Variants in A1CF observed in about 807,000 individuals in gnomAD.
A1CF encodes APOBEC1 complementation factor, also known as APOBEC-1 stimulating protein.
Under a neutral mutation model 68.9 loss-of-function variants are expected in A1CF, and 48 were observed. That is an observed-to-expected ratio of 0.70 (90% confidence interval 0.55 to 0.89). A1CF has a LOEUF of 0.89. Among genes scored for constraint, A1CF ranks in the 40% least tolerant of loss-of-function variants. The probability of loss-of-function intolerance (pLI) is 0.00; values close to 1 mark genes in which losing one functional copy is unlikely to be tolerated. For synonymous variants in A1CF, 272 were observed against 260.4 expected, an observed-to-expected ratio of 1.04 and a Z score of -0.43; for missense variants, 653 against 718.9, an observed-to-expected ratio of 0.91 and a Z score of 1.05.
chr10:50,859,606 G>A (rs763753457), intron 3 of A1CF, among the ~76,000 whole-genome samples: 11 of 152,212 alleles, frequency 7.2e-5, no homozygotes, highest in Non-Finnish European at 1.6e-4. Context: ...CTCTATAACT[G>A]TGGACACTGA....
At chr10:50,852,135 A>G (rs938417208) in intron 3 of A1CF, among the ~76,000 whole-genome samples, 1 of 152,246 alleles carries the variant, frequency 6.6e-6, no homozygotes, top group African/African-American at 2.4e-5. Flanking sequence ...CCAATTTTTA[A>G]GCTGATAAAA....
chr10:50,851,220 C>A (rs1840226516), intron 3 of A1CF, among the ~76,000 whole-genome samples: 1 of 152,118 alleles, frequency 6.6e-6, no homozygotes, highest in African/African-American at 2.4e-5. Flanking sequence ...ATTATTTCAT[C>A]TATGAAGGAG....
intron 7 of A1CF, chr10:50,822,864 A>G (rs1460134334): frequency 2.0e-5 from 3 of 152,050 alleles, no homozygotes; most frequent in Non-Finnish European, 4.4e-5. Context: ...TCATATTTCA[A>G]TGTCATTCTC....
At chr10:50,815,933 T>C in intron 9 of A1CF, 73 bp downstream of exon 9, 2 of 1,518,446 alleles carry the variant, frequency 1.3e-6, no homozygotes, top group East Asian at 2.3e-5. Context: ...CCATCCAATG[T>C]ATCTAAGGCT....
chr10:50,860,263 G>C (rs1840682616), intron 2 of A1CF, among the ~76,000 whole-genome samples: 1 of 152,050 alleles, frequency 6.6e-6, no homozygotes, highest in African/African-American at 2.4e-5. Context: ...CTTATCTCAG[G>C]ATGTCACCAA....
At chr10:50,819,389 C>G (rs1307521217) in intron 8 of A1CF, among the ~76,000 whole-genome samples, 1 of 152,270 alleles carries the variant, frequency 6.6e-6, no homozygotes, top group East Asian at 1.9e-4. Context: ...TCCCAAAGTG[C>G]TGAGATTACA....
intron 4 of A1CF, among the ~76,000 whole-genome samples, chr10:50,842,475 G>C (rs945004947): frequency 6.6e-6 from 1 of 152,192 alleles, no homozygotes. Context: ...GCTGAGCGTG[G>C]TGGCACGTGC....
intron 7 of A1CF, among the ~76,000 whole-genome samples, chr10:50,822,539 A>T (rs1435807967): frequency 6.6e-6 from 1 of 152,234 alleles, no homozygotes; most frequent in Non-Finnish European, 1.5e-5. Flanking sequence ...TTGGAATGAT[A>T]GTCGGCCTGT....
At chr10:50,828,488 G>A in intron 6 of A1CF, 193 bp from the exon 7 acceptor site, 1 of 417,696 alleles carries the variant, frequency 2.4e-6, no homozygotes, top group South Asian at 8.2e-5. Flanking sequence ...AGTTCTGTGT[G>A]ACCGGTGGCT....
At position 50,809,994 on chromosome 10, in the gene A1CF, C is replaced by T; in HGVS notation, c.1509G>A (p.Lys503=). ...GCAGGGTGTATTCGGCTGCATACGT[C>T]TTTGCTTCATCCACAAAGGCACTCA... ...PKLSAFVDEA[K]TYAAEYTLQT... is the part of the protein sequence containing the mutation. The change falls in exon 12 of 13, where the codon AAG becomes AAA. Residue 503 remains lysine (K), a synonymous_variant. Transcript: ENST00000373997. The T allele has an allele frequency of 1.2e-6, 2 of 1,614,006 alleles. No individual in the cohort carries two copies. Among genetic ancestry groups the T allele is most frequent in the South Asian group, 1.1e-5 (1 of 91,076 alleles).
At chr10:50,836,600 T>C (rs752369483) in intron 5 of A1CF, among the ~76,000 whole-genome samples, 15 of 151,934 alleles carry the variant, frequency 9.9e-5, no homozygotes, top group Non-Finnish European at 2.2e-4. Flanking sequence ...GCAGGTTTGT[T>C]ACATATGTAT....
intron 7 of A1CF, 130 bp from the exon 8 acceptor site, chr10:50,820,779 A>C: frequency 8.4e-5 from 49 of 586,466 alleles, no homozygotes; most frequent in Non-Finnish European, 9.9e-5. Flanking sequence ...TAAGGATCTC[A>C]TCAAGAACAT....
chr10:50,815,778 T>C (rs1034108926), intron 9 of A1CF, among the ~76,000 whole-genome samples: 2 of 152,344 alleles, frequency 1.3e-5, no homozygotes, highest in Admixed American at 1.3e-4. Context: ...TTTGAATCTG[T>C]GCACTAGGCT....
chr10:50,828,748 G>A (rs186456800), intron 6 of A1CF, among the ~76,000 whole-genome samples: 11 of 152,246 alleles, frequency 7.2e-5, no homozygotes, highest in African/African-American at 2.4e-4. Context: ...TTGTTAATTA[G>A]GCTAGGTACC....
At chr10:50,879,795 A>AGATTTGGGTGGGG (rs1420484651) in intron 1 of A1CF, among the ~76,000 whole-genome samples, 2 of 152,152 alleles carry the variant, frequency 1.3e-5, no homozygotes, top group Non-Finnish European at 2.9e-5. Context: ...CAAAAAGCTA[A>AGATTTGGGTGGGG]ACCATATCCA....
chr10:50,882,622 A>G (rs1363691703), intron 1 of A1CF, among the ~76,000 whole-genome samples: 4 of 152,122 alleles, frequency 2.6e-5, no homozygotes, highest in Non-Finnish European at 5.9e-5. Flanking sequence ...TGTCACCGCA[A>G]GAGTGCTGCT....
intron 2 of A1CF, among the ~76,000 whole-genome samples, chr10:50,860,699 ATAAATG>A (rs1374137601): frequency 6.6e-6 from 1 of 152,232 alleles, no homozygotes; most frequent in Non-Finnish European, 1.5e-5. Context: ...GTGTACAGAT[ATAAATG>A]TATAATTTCA....
intron 8 of A1CF, among the ~76,000 whole-genome samples, chr10:50,819,696 A>G (rs961521710): frequency 2.0e-5 from 3 of 152,090 alleles, no homozygotes; most frequent in Admixed American, 1.3e-4. Flanking sequence ...CTGTTCTCCA[A>G]TCTTGTCTTG....
Position 50,836,173 on chromosome 10 carries a change from A to G in A1CF, c.505T>C (p.Tyr169His). 2 of 1,614,012 alleles carry G rather than the reference A, an allele frequency of 1.2e-6. No homozygotes were observed. The stretch of plus-strand genomic sequence containing the variant: ...TTGGTTTTATCTGCAGCGCTTGGGT[A>G]GACGATGACATCGACAACACCTTCA... Reference protein sequence around the residue: ...VTEGVVDVIVYPSAADKTKNR... With the variant: ...VTEGVVDVIVHPSAADKTKNR... The change falls in exon 6 of 13, where the codon TAC becomes CAC. Residue 169 changes from tyrosine (Y) to histidine (H), a missense_variant. By Grantham distance (83) the Tyr-to-His change is moderately conservative (BLOSUM62 2). Coordinates refer to ENST00000373997, the MANE Select transcript of A1CF (RefSeq NM_014576.4).
Sources: gnomAD v4.1 joint callset for allele counts (sites outside exome capture counted in the v4.1 genomes callset) on GRCh38, gnomAD v4.1.1 for gene constraint, MANE v1.5 for transcripts, NCBI Gene and HGNC (gene_info 2026-07-23, HGNC 2026-07-21) for gene names.